CDKAL1: variants seen among roughly 807,000 people sequenced by gnomAD.
CDKAL1 encodes CDKAL1 threonylcarbamoyladenosine tRNA methylthiotransferase.
A neutral mutation model predicts 68.2 loss-of-function variants in CDKAL1; 32 were observed. The ratio of observed to expected loss-of-function variants is 0.47; its 90% CI spans 0.35 to 0.63. The LOEUF (loss-of-function observed/expected upper bound fraction) is 0.63, where lower values mean the gene tolerates loss of function less well. Among genes scored for constraint, CDKAL1 ranks in the 30% least tolerant of loss-of-function variants. The pLI is 0.00. For missense variants in CDKAL1, 606 were observed against 696.7 expected (o/e 0.87, Z 1.47); for synonymous variants, 234 against 244.3 (o/e 0.96, Z 0.39).
At chr6:20,976,012 C>G (rs995658037) in intron 10 of CDKAL1, among the ~76,000 whole-genome samples, 2 of 152,108 alleles carry the variant, frequency 1.3e-5, no homozygotes, top group Non-Finnish European at 2.9e-5. Context: ...CTCTAAAACC[C>G]CACATTATTC....
At chr6:20,940,677 A>G (rs1037172579) in intron 9 of CDKAL1, among the ~76,000 whole-genome samples, 10 of 152,212 alleles carry the variant, frequency 6.6e-5, no homozygotes, top group African/African-American at 2.4e-4. Context: ...AGCTAGGACT[A>G]CAGGCATGTA....
At chr6:21,095,235 T>C (rs954980898) in intron 12 of CDKAL1, among the ~76,000 whole-genome samples, 1 of 152,120 alleles carries the variant, frequency 6.6e-6, no homozygotes, top group Non-Finnish European at 1.5e-5. Context: ...GCAGGGCCTC[T>C]CTAAGAATGG....
At chr6:20,855,819 C>G (rs149423430) in intron 9 of CDKAL1, among the ~76,000 whole-genome samples, 1 of 152,094 alleles carries the variant, frequency 6.6e-6, no homozygotes, top group African/African-American at 2.4e-5. Flanking sequence ...CATGGGAATA[C>G]TTTTAAAAAT....
At position 21,075,582 on chromosome 6, in the gene CDKAL1, A is replaced by C. The variant is rs541051500; in HGVS notation, c.1236+10354A>C. Among the ~76,000 whole-genome samples the C allele has an allele frequency of 2.6e-5, 4 of 152,256 alleles. No individual in the cohort carries two copies. The South Asian group carries it at 8.3e-4, about 32-fold the overall frequency. On this transcript the variant is annotated intron_variant, in intron 12 of 15. Coordinates refer to ENST00000274695, the MANE Select transcript of CDKAL1 (RefSeq NM_017774.3). ...CTAAAATTTATTTTTTTTAGCTTTT[A>C]CAAGACTATAATATATAAGCGATTT... is the stretch of plus-strand genomic sequence containing the variant.
intron 6 of CDKAL1, chr6:20,756,331 A>G (rs1423418071): frequency 6.6e-6 from 1 of 152,206 alleles, no homozygotes; most frequent in African/African-American, 2.4e-5. Context: ...AGTACAAATT[A>G]ACTCTCTCTG....
At chr6:20,951,409 A>T (rs1251532531) in intron 9 of CDKAL1, among the ~76,000 whole-genome samples, 1 of 152,160 alleles carries the variant, frequency 6.6e-6, no homozygotes, top group East Asian at 1.9e-4. Flanking sequence ...TATTGAGGAT[A>T]TTATCCTTCT....
At chr6:20,750,922 C>T (rs1773888551) in intron 6 of CDKAL1, among the ~76,000 whole-genome samples, 1 of 112,566 alleles carries the variant, frequency 8.9e-6, no homozygotes, top group African/African-American at 3.5e-5. Flanking sequence ...CGAGATTACA[C>T]CACTGCACTC....
intron 4 of CDKAL1, among the ~76,000 whole-genome samples, chr6:20,610,706 A>G (rs1378789593): frequency 6.6e-6 from 1 of 152,054 alleles, no homozygotes; most frequent in Non-Finnish European, 1.5e-5. Context: ...AAACATTAAT[A>G]AAATATAAAA....
At chr6:20,893,476 G>A (rs1419158025) in intron 9 of CDKAL1, among the ~76,000 whole-genome samples, 1 of 152,136 alleles carries the variant, frequency 6.6e-6, no homozygotes, top group Non-Finnish European at 1.5e-5. Flanking sequence ...TTATTCAGGT[G>A]GGGAGGGCCT....
intron 15 of CDKAL1, among the ~76,000 whole-genome samples, chr6:21,210,110 A>G (rs947806547): frequency 1.3e-5 from 2 of 152,166 alleles, no homozygotes; most frequent in Admixed American, 1.3e-4. Flanking sequence ...TCTAGTTTGG[A>G]TGATAAATTA....
At chr6:20,718,480 TTGA>T (rs896819759) in intron 5 of CDKAL1, among the ~76,000 whole-genome samples, 4 of 152,206 alleles carry the variant, frequency 2.6e-5, no homozygotes, top group African/African-American at 4.8e-5. Flanking sequence ...GTGTAGTGAC[TTGA>T]GTACTGTTTA....
intron 13 of CDKAL1, among the ~76,000 whole-genome samples, chr6:21,123,056 G>T (rs1256399385): frequency 2.0e-5 from 3 of 152,092 alleles, no homozygotes; most frequent in Non-Finnish European, 4.4e-5. Context: ...TGTAAAATAT[G>T]AACTCTGGCT....
At chr6:21,069,012 T>G (rs1771607612) in intron 12 of CDKAL1, among the ~76,000 whole-genome samples, 1 of 152,218 alleles carries the variant, frequency 6.6e-6, no homozygotes, top group African/African-American at 2.4e-5. Context: ...TAAAGTTGAT[T>G]AAAATATATT....
chr6:20,786,494 CTTTTTTTTTTTT>C (rs1197574844), intron 8 of CDKAL1, among the ~76,000 whole-genome samples: 20 of 80,774 alleles, frequency 2.5e-4, no homozygotes, highest in African/African-American at 7.5e-4. Flanking sequence ...TTTTTCTTAT[CTTTTTTTTTTTT>C]TTTTTTTTTG....
rs112713049 is a variant in CDKAL1, at chr6:20,720,233, G to A, written c.372-19286G>A. On this transcript the variant is annotated intron_variant, in intron 5 of 15. Transcript: ENST00000274695. ...CTGGTTGCAATGCTAATGGATACAG[G>A]CCCATATATAGGCATTTTTTGTTTG... is the stretch of plus-strand genomic sequence containing the variant. Among the ~76,000 whole-genome samples the A allele has an allele frequency of 3.8e-3, 580 of 152,164 alleles. 3 individuals are homozygous for A. The highest frequency in any genetic ancestry group is 0.013 in the African/African-American group (540 of 41,488).
At chr6:20,562,178 A>C (rs1228170604) in intron 4 of CDKAL1, among the ~76,000 whole-genome samples, 2 of 152,068 alleles carry the variant, frequency 1.3e-5, no homozygotes, top group African/African-American at 2.4e-5. Context: ...ACTTGTATTC[A>C]CTTGAGTTAT....
intron 6 of CDKAL1, among the ~76,000 whole-genome samples, chr6:20,741,711 A>T (rs1180027189): frequency 6.6e-6 from 1 of 151,880 alleles, no homozygotes; most frequent in Admixed American, 6.6e-5. Flanking sequence ...TCTTTATCCG[A>T]TATGTCATTG....
intron 4 of CDKAL1, among the ~76,000 whole-genome samples, chr6:20,571,120 G>A (rs1392781492): frequency 6.6e-6 from 1 of 152,184 alleles, no homozygotes; most frequent in Non-Finnish European, 1.5e-5. Context: ...ATGTTACGAA[G>A]TAAGTACTAT....
intron 12 of CDKAL1, among the ~76,000 whole-genome samples, chr6:21,100,111 C>A (rs538111531): frequency 1.3e-5 from 2 of 152,086 alleles, no homozygotes; most frequent in Non-Finnish European, 2.9e-5. Flanking sequence ...CTCTACCACC[C>A]CCACTCTCTG....
Sources: gnomAD v4.1 joint callset for allele counts (sites outside exome capture counted in the v4.1 genomes callset) on GRCh38, gnomAD v4.1.1 for gene constraint, MANE v1.5 for transcripts, NCBI Gene and HGNC (gene_info 2026-07-23, HGNC 2026-07-21) for gene names.